TSPEAR: variants seen among roughly 807,000 people sequenced by gnomAD.
TSPEAR encodes the protein thrombospondin type laminin G domain and EAR repeats.
A neutral mutation model predicts 71.6 loss-of-function variants in TSPEAR; 69 were observed. The observed-to-expected ratio is 0.96, with a 90% CI of 0.79 to 1.18. TSPEAR has a LOEUF of 1.18. Among genes scored for constraint, TSPEAR ranks in the 50% most tolerant of loss-of-function variants. The pLI, the probability that TSPEAR is intolerant of heterozygous loss-of-function variation, is 0.00. For synonymous variants in TSPEAR, 402 were observed against 387.2 expected, an observed-to-expected ratio of 1.04 and a Z score of -0.45; for missense variants, 971 against 894.9, an observed-to-expected ratio of 1.09 and a Z score of -1.09.
rs377578618 is a variant in TSPEAR, at chr21:44,684,160, T to C, written c.82+27273A>G. Among the ~76,000 whole-genome samples, 43 of 152,272 alleles carry C rather than the reference T, an allele frequency of 2.8e-4. 1 individual carries two copies. The South Asian group carries it at 7.9e-3, about 28-fold the overall frequency. The stretch of plus-strand genomic sequence containing the variant: ...CGCCCTGGCTTCTCATGAGAAACAG[T>C]GGAGACACATCTTTAAAATGCTGAG... On this transcript the variant is annotated intron_variant, in intron 1 of 11. Coordinates refer to ENST00000323084, the MANE Select transcript of TSPEAR (RefSeq NM_144991.3).
chr21:44,697,727 C>A (rs782656695), intron 1 of TSPEAR: 30 of 1,614,024 alleles, frequency 1.9e-5, no homozygotes, highest in Non-Finnish European at 2.5e-5. Context: ...GTGCTGCCAG[C>A]AGTCTAGCTG....
Position 44,527,323 on chromosome 21 carries a change from T to G in TSPEAR, c.1118A>C (p.Gln373Pro). ...CCCGATGGTGAAATGCCTCCAGGCCTGTGCTTGGTGCGTGGGGATGTTCTG... is the reference window on the plus strand; with the variant it reads ...CCCGATGGTGAAATGCCTCCAGGCCGGTGCTTGGTGCGTGGGGATGTTCTG... ...SYQNIPTHQA[Q>P]AWRHFTIGKK... The change falls in exon 7 of 12, where the codon CAG (glutamine) becomes CCG (proline). Residue 373 changes from glutamine to proline, a missense_variant. Physicochemically the swap from Gln to Pro is moderately conservative, Grantham distance 76. Transcript: ENST00000323084. The G allele has an allele frequency of 6.2e-7, 1 of 1,614,210 alleles. No homozygotes were observed. The highest frequency in any genetic ancestry group is 8.5e-7 in the Non-Finnish European group (1 of 1,180,042).
At position 44,657,973 on chromosome 21, in the gene TSPEAR, C is replaced by T. The variant is rs201126322; in HGVS notation, c.82+53460G>A. 100 of 1,611,002 alleles carry T rather than the reference C, an allele frequency of 6.2e-5. 1 individual carries two copies. The highest frequency in any genetic ancestry group is 2.5e-4 in the Admixed American group (15 of 59,952). On this transcript the variant is annotated intron_variant, in intron 1 of 11. Transcript: ENST00000323084. ...CCTCCCCAGTACCAGCCCAGCCACA[C>T]GCCACCATGTGCCACACCAGCTGCT...
chr21:44,666,883 A>G (rs1555944978), intron 1 of TSPEAR: 16 of 1,612,954 alleles, frequency 9.9e-6, no homozygotes, highest in Non-Finnish European at 1.2e-5. Flanking sequence ...CTGGTATGAC[A>G]CATGGTGGCG....
intron 1 of TSPEAR, among the ~76,000 whole-genome samples, chr21:44,709,504 A>G (rs889904095): frequency 2.6e-4 from 39 of 152,234 alleles, no homozygotes; most frequent in Non-Finnish European, 2.1e-4. Context: ...ATGAGCGCCG[A>G]AAATCAAAGC....
chr21:44,506,833 G>A lies in TSPEAR; in HGVS notation c.1755-1952C>T, dbSNP rs1331300704. 1.3e-5 allele frequency: 2 copies of A among 152,178 alleles called. No homozygotes were observed. Among genetic ancestry groups the A allele is most frequent in the African/African-American group, 2.4e-5 (1 of 41,446 alleles). 9.4% of individuals were successfully genotyped at this position (152,178 alleles called of 1,614,324 possible). On this transcript the variant is annotated intron_variant, in intron 10 of 11. Coordinates refer to ENST00000323084, the MANE Select transcript of TSPEAR (RefSeq NM_144991.3). The surrounding 1 kb of genome is among the most constrained non-coding windows in gnomAD (Gnocchi z 4.2). ...GGATGTACCAGTGGTGGAAGATCCT[G>A]TCCGGCTGCACCGAGGCTCACATCA...
At chr21:44,640,587 T>C (rs1488355273) in intron 1 of TSPEAR, among the ~76,000 whole-genome samples, 2 of 152,222 alleles carry the variant, frequency 1.3e-5, no homozygotes, top group Non-Finnish European at 2.9e-5. Context: ...AGCCCTCCAT[T>C]TGGGATGGCC....
intron 1 of TSPEAR, among the ~76,000 whole-genome samples, chr21:44,701,714 G>A (rs531612878): frequency 4.0e-5 from 6 of 150,694 alleles, no homozygotes; most frequent in Admixed American, 6.6e-5. Context: ...GGCGGAGCTC[G>A]GGTGGTAAAG....
At chr21:44,666,757 C>G in intron 1 of TSPEAR, 1 of 1,613,988 alleles carries the variant, frequency 6.2e-7, no homozygotes. Flanking sequence ...GGCACACACA[C>G]GGAGGACTGG....
At chr21:44,638,245 C>T (rs2146222641) in intron 1 of TSPEAR, 1 of 1,540,682 alleles carries the variant, frequency 6.5e-7, no homozygotes, top group Non-Finnish European at 8.8e-7. Flanking sequence ...AAGCTCTGCC[C>T]TCTCTGGCTT....
At chr21:44,548,297 G>T in intron 2 of TSPEAR, among the ~76,000 whole-genome samples, 1 of 152,222 alleles carries the variant, frequency 6.6e-6, no homozygotes, top group Non-Finnish European at 1.5e-5. Flanking sequence ...CTGGGGAGTG[G>T]GGGATGGGGC....
At position 44,567,942 on chromosome 21, in the gene TSPEAR, C is replaced by G. The variant is rs2053724321; in HGVS notation, c.146G>C (p.Arg49Thr). ...VPSDGATSGI[R>T]IVQVHGARGL... Reference sequence around the variant, plus strand: ...CCGTGCACCGTGAACCTGAACTATCCTGATCCCGCTTGTGGCGCCATCAGA... The same window carrying G: ...CCGTGCACCGTGAACCTGAACTATCGTGATCCCGCTTGTGGCGCCATCAGA... The change falls in exon 2 of 12, where the codon AGG (arginine) becomes ACG (threonine). Residue 49 changes from arginine (R) to threonine (T), a missense_variant. Transcript: ENST00000323084. 1.3e-6 allele frequency: 2 copies of G among 1,589,392 alleles called. No homozygotes were observed. The highest frequency in any genetic ancestry group is 1.1e-5 in the South Asian group (1 of 88,186).
chr21:44,666,924 G>GTGA (rs2035335624), intron 1 of TSPEAR: 2 of 1,595,652 alleles, frequency 1.3e-6, no homozygotes, highest in Admixed American at 3.4e-5. Flanking sequence ...GCAGAGGGCA[G>GTGA]TGATGTCTGG....
intron 1 of TSPEAR, among the ~76,000 whole-genome samples, chr21:44,639,695 A>G (rs756923364): frequency 2.6e-5 from 4 of 152,114 alleles, no homozygotes; most frequent in Non-Finnish European, 5.9e-5. Flanking sequence ...GGCTCCCCAC[A>G]CATGCATGTC....
At chr21:44,702,307 G>T in intron 1 of TSPEAR, 2 of 1,609,876 alleles carry the variant, frequency 1.2e-6, no homozygotes, top group Non-Finnish European at 8.5e-7. Flanking sequence ...CAGCTGCTGT[G>T]CCCCGGCCCC....
At chr21:44,683,664 G>A (rs956171488) in intron 1 of TSPEAR, among the ~76,000 whole-genome samples, 10 of 147,382 alleles carry the variant, frequency 6.8e-5, no homozygotes, top group African/African-American at 1.5e-4. Flanking sequence ...GCAAGACCCC[G>A]TCTCAAAAAA....
In TSPEAR at chr21:44,550,437, C is replaced by T. The variant is rs1227795794; in HGVS notation, c.304-16514G>A. On this transcript the variant is annotated intron_variant, in intron 2 of 11. Coordinates refer to ENST00000323084, the MANE Select transcript of TSPEAR (RefSeq NM_144991.3). ...TGAGACCCAGGTCAGGAGGGCCCAT[C>T]CCCAACCAGCGACCAGCGACCAGCG... 2.7e-5 allele frequency: 18 copies of T among 661,858 alleles called. No individual in the cohort carries two copies. In the East Asian group the frequency reaches 4.8e-4, roughly 17 times the overall value. 41.0% of individuals were successfully genotyped at this position (661,858 alleles called of 1,614,324 possible).
At chr21:44,555,703 C>T (rs1475740933) in intron 2 of TSPEAR, among the ~76,000 whole-genome samples, 3 of 152,090 alleles carry the variant, frequency 2.0e-5, no homozygotes, top group Non-Finnish European at 2.9e-5. Flanking sequence ...GTAGAGGCTG[C>T]ACACACACAG....
intron 1 of TSPEAR, among the ~76,000 whole-genome samples, chr21:44,703,017 CG>C (rs1386610099): frequency 6.6e-6 from 1 of 152,184 alleles, no homozygotes; most frequent in Non-Finnish European, 1.5e-5. Flanking sequence ...TGAAGGGCCC[CG>C]GGTGTTCCCT....
Sources: allele counts gnomAD v4.1 joint callset (sites outside exome capture counted in the v4.1 genomes callset), GRCh38; gene constraint gnomAD v4.1.1; non-coding constraint Gnocchi (gnomAD v3.1); transcripts MANE v1.5; gene names NCBI Gene and HGNC (gene_info 2026-07-23, HGNC 2026-07-21).